Variants in TMC1 observed in about 807,000 individuals in gnomAD.
TMC1 encodes transmembrane channel-like protein 1.
A neutral mutation model predicts 105.8 loss-of-function variants in TMC1; 84 were observed. The ratio of observed to expected loss-of-function variants is 0.79; its 90% confidence interval spans 0.67 to 0.95. The LOEUF is 0.95. Ranked by LOEUF, TMC1 falls within the 40% of genes least tolerant of loss-of-function variation. The pLI is 0.00. For missense variants in TMC1, 817 were observed against 914.1 expected, an observed-to-expected ratio of 0.89 and a Z score of 1.37; for synonymous variants, 315 against 311.5, an observed-to-expected ratio of 1.01 and a Z score of -0.12.
At position 72,835,915 on chromosome 9, in the gene TMC1, G is replaced by GTTT. The variant is rs754537281; in HGVS notation, c.2261-18_2261-16dup. ...GTTCATCTTCTCTCTCTCTCTCCTT[G>GTTT]TTTTTTTTTTTTTTTTTTTTCTGTT... On this transcript the variant is annotated intron_variant, in intron 23 of 23. Coordinates refer to ENST00000297784, the MANE Select transcript of TMC1 (RefSeq NM_138691.3). 8,682 of 1,311,266 alleles carry GTTT rather than the reference G, an allele frequency of 6.6e-3. 151 individuals carry two copies. The highest frequency in any genetic ancestry group is 0.016 in the South Asian group (1,185 of 72,824). The allele number at this position is 1,311,266 out of a possible 1,614,324, so 81.2% of individuals were successfully genotyped here.
intron 20 of TMC1, among the ~76,000 whole-genome samples, chr9:72,821,518 G>A (rs370402145): frequency 0.092 from 13,658 of 147,954 alleles, 717 homozygotes; most frequent in Non-Finnish European, 0.13. Context: ...AAAAAAAAAA[G>A]AAAGAAATGA....
At chr9:72,674,729 G>C (rs1826174831) in intron 5 of TMC1, among the ~76,000 whole-genome samples, 1 of 152,196 alleles carries the variant, frequency 6.6e-6, no homozygotes, top group Non-Finnish European at 1.5e-5. Flanking sequence ...TTCCCTGCTA[G>C]AAATCCTCCA....
intron 1 of TMC1, among the ~76,000 whole-genome samples, chr9:72,543,393 T>C (rs1823709611): frequency 1.3e-5 from 2 of 152,236 alleles, no homozygotes. Context: ...ACTTCCCTTA[T>C]AGATTATTGG....
chr9:72,823,579 C>T (rs1828906225), intron 20 of TMC1, among the ~76,000 whole-genome samples: 1 of 152,060 alleles, frequency 6.6e-6, no homozygotes. Flanking sequence ...TTTTATAAGA[C>T]CTGGCTAGAG....
Position 72,830,653 on chromosome 9 carries a change from G to C in TMC1, c.2231G>C (p.Arg744Pro), listed in dbSNP as rs756166626. 2 of 1,613,256 alleles carry C rather than the reference G, an allele frequency of 1.2e-6. No individual in the cohort carries two copies. Among genetic ancestry groups the C allele is most frequent in the African/African-American group, 2.7e-5 (2 of 74,848 alleles). Residue 744 changes from arginine (R) to proline (P), a missense_variant, in exon 23 of 24, where the codon CGA becomes CCA. By Grantham distance (103) the Arg-to-Pro change is moderately radical. Transcript: ENST00000297784. ...TAGCAAGCTTTGGAGAACAAAATGC[G>C]AAACAAGAAAATGGCAGCTGCACGA... Reference protein sequence around the residue: ...MKMQALENKMRNKKMAAARAA... With the variant: ...MKMQALENKMPNKKMAAARAA...
intron 8 of TMC1, among the ~76,000 whole-genome samples, chr9:72,719,077 A>G (rs745522140): frequency 6.6e-6 from 1 of 152,136 alleles, no homozygotes; most frequent in Non-Finnish European, 1.5e-5. Context: ...GATTGTTTTC[A>G]GGCAGTGGGC....
chr9:72,743,726 G>A (rs976826483), intron 10 of TMC1, among the ~76,000 whole-genome samples: 1 of 111,824 alleles, frequency 8.9e-6, no homozygotes, highest in Non-Finnish European at 1.9e-5. Flanking sequence ...AAGGAAGGAA[G>A]GAAGGAAGGA....
At chr9:72,716,936 G>A (rs1342023695) in intron 8 of TMC1, among the ~76,000 whole-genome samples, 7 of 152,208 alleles carry the variant, frequency 4.6e-5, no homozygotes, top group South Asian at 2.1e-4. Flanking sequence ...TGCAGGTTGT[G>A]AAGACCATGG....
chr9:72,789,465 C>T (rs1828227790), intron 15 of TMC1, 148 bp downstream of exon 15: 1 of 702,316 alleles, frequency 1.4e-6, no homozygotes, highest in Non-Finnish European at 2.5e-6. Context: ...TGCTCATTTT[C>T]CATTCTATTC....
At chr9:72,536,394 G>A (rs1823586038) in intron 1 of TMC1, among the ~76,000 whole-genome samples, 2 of 152,146 alleles carry the variant, frequency 1.3e-5, no homozygotes. Flanking sequence ...GTGCAGTGGT[G>A]CGATCTCGGC....
At chr9:72,578,365 A>G (rs1025582755) in intron 2 of TMC1, 17 of 152,166 alleles carry the variant, frequency 1.1e-4, no homozygotes, top group African/African-American at 4.1e-4. Flanking sequence ...TGTTATTAAC[A>G]TACTGTCTGC....
In TMC1 at chr9:72,816,216, C is replaced by T. The variant is rs1013697392; in HGVS notation, c.1763+6C>T. 2 of 1,613,162 alleles carry T rather than the reference C, an allele frequency of 1.2e-6. No individual in the cohort carries two copies. The highest frequency in any genetic ancestry group is 1.7e-6 in the Non-Finnish European group (2 of 1,179,206). The stretch of plus-strand genomic sequence containing the variant: ...TTCAACCAAGGCATGATCTGGTAGG[C>T]CAGCTGTTGGACAGCTTATCACTTA... On this transcript the variant is annotated splice_donor_region_variant and intron_variant, in intron 19 of 23. Coordinates refer to ENST00000297784, the MANE Select transcript of TMC1 (RefSeq NM_138691.3).
chr9:72,698,605 A>C (rs1346451048), intron 7 of TMC1, among the ~76,000 whole-genome samples: 6 of 152,158 alleles, frequency 3.9e-5, no homozygotes, highest in East Asian at 1.9e-4. Flanking sequence ...TATAAATGTT[A>C]ATTAGACTGC....
chr9:72,576,504 T>C (rs1224745417), intron 1 of TMC1, among the ~76,000 whole-genome samples: 1 of 151,500 alleles, frequency 6.6e-6, no homozygotes, highest in African/African-American at 2.4e-5. Flanking sequence ...CTCCTTCTTG[T>C]GCCAACGACT....
rs12337777 is a variant in TMC1 at position 72,744,535 on chromosome 9, C to T, written c.535+2010C>T. Among the ~76,000 whole-genome samples, 168 of 152,268 alleles carry T rather than the reference C, an allele frequency of 1.1e-3. 4 individuals are homozygous for T. The highest frequency in any genetic ancestry group is 3.8e-3 in the African/African-American group (157 of 41,562). The stretch of plus-strand genomic sequence containing the variant: ...AAACAAAAGGCCATTTGGAGCATTA[C>T]GGTCCTGATACAATATATATAGTAA... On this transcript the variant is annotated intron_variant, in intron 10 of 23. Transcript: ENST00000297784.
rs1207122491 is a variant in TMC1, at chr9:72,751,849, G to C, written c.536-1G>C. The C allele has an allele frequency of 6.3e-7, 1 of 1,591,188 alleles. No homozygotes were observed. Among genetic ancestry groups the C allele is most frequent in the Non-Finnish European group, 8.6e-7 (1 of 1,159,564 alleles). The stretch of plus-strand genomic sequence containing the variant: ...CAAACTTTTTATTTTCTTTGTAATA[G>C]GTCAGTTTGGCTCCTCAGTGGCCTC... On this transcript the variant is annotated splice_acceptor_variant, in intron 10 of 23. Transcript: ENST00000297784. LOFTEE classifies it high-confidence loss of function.
intron 8 of TMC1, among the ~76,000 whole-genome samples, chr9:72,705,444 C>G (rs961080741): frequency 6.6e-6 from 1 of 152,118 alleles, no homozygotes; most frequent in African/African-American, 2.4e-5. Context: ...GGTCTTCAAA[C>G]TGCTATCCTC....
At chr9:72,664,132 C>T (rs1826006440) in intron 5 of TMC1, among the ~76,000 whole-genome samples, 1 of 152,172 alleles carries the variant, frequency 6.6e-6, no homozygotes, top group African/African-American at 2.4e-5. Flanking sequence ...AAGGAGTACA[C>T]TCTAAAATAA....
At chr9:72,666,907 C>T (rs985312147) in intron 5 of TMC1, among the ~76,000 whole-genome samples, 13 of 151,056 alleles carry the variant, frequency 8.6e-5, no homozygotes, top group Admixed American at 3.3e-4. Context: ...CAAAACAAAA[C>T]AAAACAAAAC....
Sources: gnomAD v4.1 joint callset for allele counts (sites outside exome capture counted in the v4.1 genomes callset) on GRCh38, gnomAD v4.1.1 for gene constraint, MANE v1.5 for transcripts, NCBI Gene and HGNC (gene_info 2026-07-23, HGNC 2026-07-21) for gene names.